The following ZNF559 variants were observed in gnomAD, a reference collection of about 807,000 sequenced individuals.
ZNF559 encodes zinc finger protein 559, also known as putative protein product of Nbla00121.
In ZNF559, 17 loss-of-function variants were observed where a neutral mutation model predicts 14.2. The ratio of observed to expected loss-of-function variants is 1.20; its 90% confidence interval spans 0.82 to 1.80. ZNF559 has a LOEUF of 1.80. ZNF559 is among the 40% of genes most tolerant of loss of function. ZNF559 has a pLI of 0.00. For synonymous variants in ZNF559, 244 were observed against 212.4 expected (o/e 1.15, Z -1.29); for missense variants, 740 against 629.7 (o/e 1.18, Z -1.88).
chr19:9,327,928 G>T (rs1192757607), intron 2 of ZNF559, among the ~76,000 whole-genome samples: 3 of 152,098 alleles, frequency 2.0e-5, no homozygotes. Flanking sequence ...TCCTCTTACA[G>T]ACCTGGAATC....
Position 9,341,114 on chromosome 19 carries a change from A to G in ZNF559, c.173A>G (p.His58Arg), listed in dbSNP as rs1282623917. ...CATCTTATTTCAGATTGGGAGAGTC[A>G]TATTAATACCAAATGGTCAGCACCT... The part of the protein sequence containing the change: ...KNLVAVDWES[H>R]INTKWSAPQQ... The change falls in exon 6 of 7, where the codon CAT becomes CGT. Residue 58 changes from histidine (H) to arginine (R), a missense_variant. By Grantham distance (29) the His-to-Arg change is conservative. Transcript: ENST00000603380. 2 of 1,608,874 alleles carry G rather than the reference A, an allele frequency of 1.2e-6. No individual in the cohort carries two copies. Among genetic ancestry groups the G allele is most frequent in the Admixed American group, 3.4e-5 (2 of 58,440 alleles).
At chr19:9,328,671 G>T (rs2066771157) in intron 2 of ZNF559, among the ~76,000 whole-genome samples, 1 of 152,104 alleles carries the variant, frequency 6.6e-6, no homozygotes, top group South Asian at 2.1e-4. Flanking sequence ...CACTGCGCCT[G>T]GCCTAAATGC....
rs967350125 is a variant in ZNF559, at chr19:9,324,914, A to G, written c.-120+134A>G. ...CTGATACCATCGAATGCATGAGTGG[A>G]TGAATGCACATAACTGTAAAATTTA... On this transcript the variant is annotated intron_variant, in intron 2 of 6. Coordinates refer to ENST00000603380, the MANE Select transcript of ZNF559 (RefSeq NM_032497.3). The G allele has an allele frequency of 6.8e-5, 49 of 716,566 alleles. No individual in the cohort carries two copies. In the African/African-American group the frequency reaches 8.7e-4, roughly 13 times the overall value. The allele number at this position is 716,566 out of a possible 1,614,324, so 44.4% of individuals were successfully genotyped here.
In ZNF559 at chr19:9,342,725, T is replaced by C. The variant is rs371443230; in HGVS notation, c.1274T>C (p.Ile425Thr). The C allele has an allele frequency of 3.0e-5, 48 of 1,614,026 alleles. No individual in the cohort carries two copies. The African/African-American group carries it at 5.7e-4, about 19-fold the overall frequency. Residue 425 changes from isoleucine to threonine, a missense_variant, in exon 7 of 7, where the codon ATT (isoleucine) becomes ACT (threonine). Coordinates refer to ENST00000603380, the MANE Select transcript of ZNF559 (RefSeq NM_032497.3). ...GKAFIRSSFL[I>T]RHLRSHSAER... ...GCCTTCATTCGATCCTCATTTCTTA[T>C]TCGACATTTGAGAAGTCACAGTGCA...
At chr19:9,335,973 A>G (rs1047829936) in intron 2 of ZNF559, among the ~76,000 whole-genome samples, 2 of 152,242 alleles carry the variant, frequency 1.3e-5, no homozygotes, top group Non-Finnish European at 2.9e-5. Flanking sequence ...AGCAGCATGC[A>G]CAGTTGGCTT....
chr19:9,330,016 C>G (rs1274816680), intron 2 of ZNF559: 5 of 152,136 alleles, frequency 3.3e-5, no homozygotes, highest in Non-Finnish European at 7.3e-5. Context: ...GGAATTTAAT[C>G]CATTTAAAGT....
chr19:9,324,906 A>C, intron 2 of ZNF559, 126 bp downstream of exon 2: 1 of 746,860 alleles, frequency 1.3e-6, no homozygotes, highest in East Asian at 2.7e-5. Flanking sequence ...CATCGAATGC[A>C]TGAGTGGATG....
chr19:9,334,134 A>G (rs954143250), intron 2 of ZNF559, among the ~76,000 whole-genome samples: 37 of 152,246 alleles, frequency 2.4e-4, no homozygotes, highest in African/African-American at 8.9e-4. Flanking sequence ...TAACATCATT[A>G]TTTGAAATAG....
chr19:9,345,133 A>AT lies in ZNF559; in HGVS notation c.*2071dup, dbSNP rs2067701886. ...ATATAGTCTGGCATCTTTCAGGATA[A>AT]TTTTTTCAGATCCATTTATGTTGTA... On this transcript the variant is annotated 3_prime_UTR_variant, in exon 7 of 7. Coordinates refer to ENST00000603380, the MANE Select transcript of ZNF559 (RefSeq NM_032497.3). 1 of 152,110 alleles carries AT rather than the reference A, an allele frequency of 6.6e-6. No homozygotes were observed. The allele number at this position is 152,110 out of a possible 1,614,324, so 9.4% of individuals were successfully genotyped here.
chr19:9,335,356 A>G (rs916019044), intron 2 of ZNF559, among the ~76,000 whole-genome samples: 6 of 151,654 alleles, frequency 4.0e-5, no homozygotes, highest in Non-Finnish European at 7.4e-5. Flanking sequence ...AGTCCTAGCT[A>G]CTCAGAAAGC....
At chr19:9,326,105 A>AT (rs71183701) in intron 2 of ZNF559, among the ~76,000 whole-genome samples, 24,861 of 73,644 alleles carry the variant, frequency 0.34, 7,335 homozygotes, top group Non-Finnish European at 0.4. Context: ...TATTCACCTG[A>AT]TTTTTTTTTT....
At chr19:9,324,266 C>G (rs1460763912) in intron 1 of ZNF559, 38 bp downstream of exon 1, 2 of 1,535,940 alleles carry the variant, frequency 1.3e-6, no homozygotes, top group Admixed American at 2.0e-5. Context: ...GGTGGTGTCC[C>G]GGTGCAGCCA....
Position 9,324,721 on chromosome 19 carries a change from C to T in ZNF559, c.-179C>T. 1 of 1,534,870 alleles carries T rather than the reference C, an allele frequency of 6.5e-7. No homozygotes were observed. The highest frequency in any genetic ancestry group is 8.7e-7 in the Non-Finnish European group (1 of 1,146,404). On this transcript the variant is annotated 5_prime_UTR_variant, in exon 2 of 7. In the 5' UTR this introduces an upstream ATG that the reference lacks. Coordinates refer to ENST00000603380, the MANE Select transcript of ZNF559 (RefSeq NM_032497.3). ...AACAGCATCTCTGCCTTCCTGTTCA[C>T]GGTGACCTTCGCTTGGTGTCCTCCT...
intron 2 of ZNF559, among the ~76,000 whole-genome samples, chr19:9,334,401 T>C (rs535817241): frequency 6.6e-6 from 1 of 152,348 alleles, no homozygotes; most frequent in South Asian, 2.1e-4. Context: ...ATTCAACCTG[T>C]ATTATGGAGT....
In ZNF559 at chr19:9,342,891, T is replaced by C. The variant is rs1442446858; in HGVS notation, c.1440T>C (p.Leu480=). 6.2e-7 allele frequency: 1 copy of C among 1,613,972 alleles called. No individual in the cohort carries two copies. Among genetic ancestry groups the C allele is most frequent in the African/African-American group, 1.3e-5 (1 of 74,896 alleles). ...CGQAFSISSG[L]TVHMRTHTGE... ...AAGCCTTCAGTATCTCATCAGGCCT[T>C]ACAGTACACATGAGAACTCACACTG... Residue 480 remains leucine (L), a synonymous_variant, in exon 7 of 7, where the codon CTT becomes CTC. Coordinates refer to ENST00000603380, the MANE Select transcript of ZNF559 (RefSeq NM_032497.3).
chr19:9,324,211 T>A lies in ZNF559; in HGVS notation c.-223T>A, dbSNP rs573306315. 4 of 1,535,916 alleles carry A rather than the reference T, an allele frequency of 2.6e-6. No individual in the cohort carries two copies. The highest frequency in any genetic ancestry group is 1.2e-5 in the South Asian group (1 of 84,074). Reference sequence around the variant, plus strand: ...TAACGGCCGCCATCTTAACAGCGCGTTCCCGTTGGCGTCTGAGGTAAGTTT... The same window carrying A: ...TAACGGCCGCCATCTTAACAGCGCGATCCCGTTGGCGTCTGAGGTAAGTTT... On this transcript the variant is annotated 5_prime_UTR_variant, in exon 1 of 7. Transcript: ENST00000603380.
At chr19:9,324,004 G>C (rs529502599), upstream of ZNF559, 3 of 663,930 alleles carry the variant, frequency 4.5e-6, no homozygotes, top group Admixed American at 5.8e-5. Flanking sequence ...AACCTGGACA[G>C]CTTGCAGTCA....
chr19:9,334,917 G>A (rs941932052), intron 2 of ZNF559, among the ~76,000 whole-genome samples: 19 of 152,054 alleles, frequency 1.2e-4, no homozygotes, highest in Non-Finnish European at 2.1e-4. Flanking sequence ...GGCGGATCAC[G>A]AGGTCAGGAG....
At chr19:9,332,461 C>G (rs1457861683) in intron 2 of ZNF559, among the ~76,000 whole-genome samples, 1 of 152,044 alleles carries the variant, frequency 6.6e-6, no homozygotes, top group Non-Finnish European at 1.5e-5. Flanking sequence ...CCCAGAGTAC[C>G]TTAAATGGAT....
Sources: allele counts gnomAD v4.1 joint callset (sites outside exome capture counted in the v4.1 genomes callset), GRCh38; gene constraint gnomAD v4.1.1; transcripts MANE v1.5; gene names NCBI Gene and HGNC (gene_info 2026-07-23, HGNC 2026-07-21).